Variants in OPRPN observed in about 807,000 individuals in gnomAD.
OPRPN encodes the protein basic proline-rich lacrimal protein.
A neutral mutation model predicts 2.2 loss-of-function variants in OPRPN; 1 was observed. The observed-to-expected ratio is 0.45, with a 90% CI of 0.16 to 2.15. The LOEUF is 2.15. Ranked by LOEUF, OPRPN falls within the 30% of genes most tolerant of loss-of-function variation. OPRPN has a pLI of 0.28. For missense variants in OPRPN, 306 were observed against 297.3 expected, an observed-to-expected ratio of 1.03 and a Z score of -0.21; for synonymous variants, 126 against 111.5, an observed-to-expected ratio of 1.13 and a Z score of -0.82.
chr4:70,403,607 T>A (rs78857351), intron 2 of OPRPN, among the ~76,000 whole-genome samples: 18,313 of 152,244 alleles, frequency 0.12, 1,342 homozygotes, highest in Middle Eastern at 0.21. Flanking sequence ...CTAAATTATT[T>A]GTCATTTTAA....
chr4:70,408,414 C>T (rs189200503), intron 2 of OPRPN, among the ~76,000 whole-genome samples: 1 of 152,138 alleles, frequency 6.6e-6, no homozygotes, highest in Non-Finnish European at 1.5e-5. Flanking sequence ...CAAATGCCAT[C>T]TTCTCTACAT....
In OPRPN at chr4:70,409,445, C is replaced by T. The variant is rs775670402; in HGVS notation, c.117C>T (p.Leu39=). ...YLPGQLPPPP[L]YRPRWVPPSP... ...CTGGCCAGCTGCCACCACCTCCACT[C>T]TACAGGCCAAGATGGGTTCCACCAA... Residue 39 remains leucine, a synonymous_variant, in exon 3 of 3, where the codon CTC becomes CTT. Transcript: ENST00000399575. 19 of 1,613,976 alleles carry T rather than the reference C, an allele frequency of 1.2e-5. No individual in the cohort carries two copies. Among genetic ancestry groups the T allele is most frequent in the Middle Eastern group, 3.3e-4 (2 of 6,082 alleles).
At chr4:70,401,848 T>A (rs1399871671) in intron 2 of OPRPN, among the ~76,000 whole-genome samples, 1 of 152,074 alleles carries the variant, frequency 6.6e-6, no homozygotes, top group Non-Finnish European at 1.5e-5. Flanking sequence ...TGCCAATACC[T>A]GCCATCCCTA....
At chr4:70,404,829 T>G (rs894175737) in intron 2 of OPRPN, among the ~76,000 whole-genome samples, 2 of 152,234 alleles carry the variant, frequency 1.3e-5, no homozygotes, top group African/African-American at 4.8e-5. Flanking sequence ...ATTTATGCTC[T>G]TTAAATGTTT....
chr4:70,406,855 T>A (rs1733100209), intron 2 of OPRPN, among the ~76,000 whole-genome samples: 1 of 152,188 alleles, frequency 6.6e-6, no homozygotes, highest in African/African-American at 2.4e-5. Flanking sequence ...TATTTATTCT[T>A]GCATTGACTT....
At chr4:70,404,169 G>A (rs981339953) in intron 2 of OPRPN, among the ~76,000 whole-genome samples, 11 of 152,158 alleles carry the variant, frequency 7.2e-5, no homozygotes, top group South Asian at 2.1e-4. Flanking sequence ...ATGGCCAGGC[G>A]TAAGGGTCAG....
chr4:70,399,361 A>G (rs754524451), intron 2 of OPRPN, 25 bp downstream of exon 2: 1 of 1,545,272 alleles, frequency 6.5e-7, no homozygotes, highest in South Asian at 1.1e-5. Flanking sequence ...TTCTAAATTT[A>G]CTTGTTATAT....
At chr4:70,404,782 G>A (rs1002500925) in intron 2 of OPRPN, among the ~76,000 whole-genome samples, 2 of 152,168 alleles carry the variant, frequency 1.3e-5, no homozygotes, top group East Asian at 3.9e-4. Flanking sequence ...TGTCCTCCCC[G>A]CACCTTAACT....
At chr4:70,399,224 T>C in intron 1 of OPRPN, 47 bp from the exon 2 acceptor site, 2 of 1,404,244 alleles carry the variant, frequency 1.4e-6, no homozygotes, top group Non-Finnish European at 2.0e-6. Flanking sequence ...TGAAAAACAC[T>C]GTTGATCGAT....
chr4:70,406,304 A>G (rs1269072504), intron 2 of OPRPN, among the ~76,000 whole-genome samples: 4 of 152,248 alleles, frequency 2.6e-5, no homozygotes, highest in Admixed American at 1.3e-4. Flanking sequence ...TACTAAAGAC[A>G]CAAAGCTAAA....
chr4:70,402,500 A>C (rs192487968), intron 2 of OPRPN, among the ~76,000 whole-genome samples: 1 of 152,308 alleles, frequency 6.6e-6, no homozygotes, highest in Admixed American at 6.5e-5. Context: ...CATTCAACCC[A>C]AAATACTTAT....
chr4:70,410,157 G>T lies in OPRPN; in HGVS notation c.*82G>T. 1 of 1,026,242 alleles carries T rather than the reference G, an allele frequency of 9.7e-7. No homozygotes were observed. Among genetic ancestry groups the T allele is most frequent in the East Asian group, 2.6e-5 (1 of 39,106 alleles). 63.6% of individuals were successfully genotyped at this position (1,026,242 alleles called of 1,614,324 possible). On this transcript the variant is annotated 3_prime_UTR_variant, in exon 3 of 3. Transcript: ENST00000399575. ...CAATGATTTTGATGGAACCAACCCT[G>T]ATCTAACCAGCACACTAAATAAAGT...
intron 2 of OPRPN, among the ~76,000 whole-genome samples, chr4:70,409,148 C>T (rs1733155255): frequency 6.6e-6 from 1 of 152,064 alleles, no homozygotes; most frequent in Non-Finnish European, 1.5e-5. Context: ...GGTTTTTTCT[C>T]ATTTAATACT....
chr4:70,403,176 C>T (rs531372946), intron 2 of OPRPN, among the ~76,000 whole-genome samples: 10 of 152,306 alleles, frequency 6.6e-5, no homozygotes, highest in African/African-American at 2.4e-4. Flanking sequence ...TGACCTCTAA[C>T]TTCAAGGGGT....
At chr4:70,408,537 G>T (rs953530237) in intron 2 of OPRPN, among the ~76,000 whole-genome samples, 3 of 152,158 alleles carry the variant, frequency 2.0e-5, no homozygotes, top group Non-Finnish European at 1.5e-5. Flanking sequence ...AGCCATGCTT[G>T]TTATTAATAG....
chr4:70,401,737 A>G (rs1219561310), intron 2 of OPRPN, among the ~76,000 whole-genome samples: 1 of 152,156 alleles, frequency 6.6e-6, no homozygotes, highest in Non-Finnish European at 1.5e-5. Context: ...GAAGTATGAC[A>G]CAGGGATGGA....
chr4:70,406,987 G>A (rs1457565204), intron 2 of OPRPN, among the ~76,000 whole-genome samples: 1 of 152,134 alleles, frequency 6.6e-6, no homozygotes, highest in Non-Finnish European at 1.5e-5. Context: ...AGCAAAAGCA[G>A]GCAGCCCTAA....
chr4:70,407,524 T>C lies in OPRPN; in HGVS notation c.52-1856T>C, dbSNP rs1733115789. Among the ~76,000 whole-genome samples, 3 of 152,298 alleles carry C rather than the reference T, an allele frequency of 2.0e-5. No homozygotes were observed. The East Asian group carries it at 5.8e-4, about 29-fold the overall frequency. ...TCACTGATCTTTGTAAGAGATTCAGTTAAGTTGTGTGATGGGGACAGTAAC... is the reference window on the plus strand; with the variant it reads ...TCACTGATCTTTGTAAGAGATTCAGCTAAGTTGTGTGATGGGGACAGTAAC... On this transcript the variant is annotated intron_variant, in intron 2 of 2. Coordinates refer to ENST00000399575, the MANE Select transcript of OPRPN (RefSeq NM_021225.5).
chr4:70,406,349 T>C (rs1387681097), intron 2 of OPRPN, among the ~76,000 whole-genome samples: 1 of 152,052 alleles, frequency 6.6e-6, no homozygotes, highest in African/African-American at 2.4e-5. Context: ...AGCAGTAAAA[T>C]AGCACATGGC....
Sources: allele counts gnomAD v4.1 joint callset (sites outside exome capture counted in the v4.1 genomes callset), GRCh38; gene constraint gnomAD v4.1.1; transcripts MANE v1.5; gene names NCBI Gene and HGNC (gene_info 2026-07-23, HGNC 2026-07-21).